Variants in BAG6 observed in about 807,000 individuals in gnomAD.
BAG6 encodes the protein large proline-rich protein BAG6.
Under a neutral mutation model 121.0 loss-of-function variants are expected in BAG6, and 22 were observed. The observed-to-expected ratio is 0.18, with a 90% CI of 0.13 to 0.26. The LOEUF (loss-of-function observed/expected upper bound fraction) is 0.26. BAG6 is among the 10% of genes least tolerant of loss of function. The pLI is 1.00. For missense variants in BAG6, 1,233 were observed against 1,537.7 expected (o/e 0.80, Z 3.31); for synonymous variants, 583 against 584.6 (o/e 1.00, Z 0.04).
chr6:31,651,768 G>A lies in BAG6; in HGVS notation c.-5C>T, dbSNP rs1320850682. ...GGTACTATCATTAGGCTCCATGGCC[G>A]ACAGGTCTCTAAAGAAGAACGAAGG... On this transcript the variant is annotated 5_prime_UTR_variant, in exon 2 of 26. Coordinates refer to ENST00000676615, the MANE Select transcript of BAG6 (RefSeq NM_001387994.1). 3 of 1,612,128 alleles carry A rather than the reference G, an allele frequency of 1.9e-6. No homozygotes were observed. Among genetic ancestry groups the A allele is most frequent in the Admixed American group, 1.7e-5 (1 of 59,990 alleles).
At position 31,644,137 on chromosome 6, in the gene BAG6, G is replaced by C. The variant is rs1429987132; in HGVS notation, c.1613C>G (p.Thr538Ser). ...ATGGGAAGGCCGAGCCTGTGGAGGA[G>C]TGGGCCGGGCAATCACCACCCGGGT... ...APTRVVIARP[T>S]PPQARPSHPG... Residue 538 changes from threonine to serine, a missense_variant, in exon 13 of 26, where the codon ACT becomes AGT. Thr to Ser is a moderately conservative substitution (Grantham distance 58). This residue lies in a region of BAG6 where 777 missense variants were observed against 861.4 expected (regional missense o/e 0.90). Coordinates refer to ENST00000676615, the MANE Select transcript of BAG6 (RefSeq NM_001387994.1). The surrounding 1 kb of genome is among the most constrained non-coding windows in gnomAD (Gnocchi z 4.9). 1.2e-6 allele frequency: 2 copies of C among 1,614,098 alleles called. No homozygotes were observed.
Position 31,648,771 on chromosome 6 carries a change from AT to A in BAG6, c.478-21del, listed in dbSNP as rs1402905105. On this transcript the variant is annotated intron_variant, in intron 5 of 25. Coordinates refer to ENST00000676615, the MANE Select transcript of BAG6 (RefSeq NM_001387994.1). ...CTCACTCTACAATGAGAGAAGGTTT[AT>A]CAGGGTAGGTTACAGATGAAGCCAT... is the stretch of plus-strand genomic sequence containing the variant. The A allele has an allele frequency of 1.9e-6, 3 of 1,613,760 alleles. No individual in the cohort carries two copies. The African/African-American group carries it at 4.0e-5, about 22-fold the overall frequency.
rs1786135643 is a variant in BAG6, at chr6:31,644,198, T to C, written c.1556-4A>G. The stretch of plus-strand genomic sequence containing the variant: ...GGGAAGCCTGGCACCTGCTGTCCTG[T>C]GGGTGGCAGAAGAGACAGACCGAAG... On this transcript the variant is annotated splice_region_variant and splice_polypyrimidine_tract_variant and intron_variant, in intron 12 of 25. Coordinates refer to ENST00000676615, the MANE Select transcript of BAG6 (RefSeq NM_001387994.1). The surrounding 1 kb of genome is among the most constrained non-coding windows in gnomAD (Gnocchi z 4.9). The C allele has an allele frequency of 1.2e-6, 2 of 1,612,134 alleles. No individual in the cohort carries two copies. Among genetic ancestry groups the C allele is most frequent in the Non-Finnish European group, 1.7e-6 (2 of 1,179,322 alleles).
chr6:31,650,000 C>T (rs905005540), intron 2 of BAG6, among the ~76,000 whole-genome samples: 2 of 151,992 alleles, frequency 1.3e-5, no homozygotes, highest in Non-Finnish European at 2.9e-5. Flanking sequence ...ACTAGGGAGG[C>T]TGAAGCAAGA....
intron 7 of BAG6, 37 bp downstream of exon 7, chr6:31,647,554 G>C: frequency 1.2e-6 from 2 of 1,605,770 alleles, no homozygotes; most frequent in South Asian, 2.2e-5. Flanking sequence ...CTTCACTTAG[G>C]ATTCCCCACC....
rs905063602 is a variant in BAG6 at position 31,649,376 on chromosome 6, G to A, written c.246C>T (p.Ile82=). The A allele has an allele frequency of 1.2e-6, 2 of 1,606,154 alleles. No homozygotes were observed. The highest frequency in any genetic ancestry group is 1.7e-5 in the Admixed American group (1 of 58,726). ...LQEYNVGGKV[I]HLVERAPPQT... is the part of the protein sequence containing the mutation. ...GAGGAGGAGCCCGTTCCACCAGGTGGATAACCTTTCCCCCAACATCTGCAG... is the reference window on the plus strand; with the variant it reads ...GAGGAGGAGCCCGTTCCACCAGGTGAATAACCTTTCCCCCAACATCTGCAG... The change falls in exon 4 of 26, where the codon ATC becomes ATT. Residue 82 remains isoleucine, a synonymous_variant. Transcript: ENST00000676615.
intron 16 of BAG6, 77 bp from the exon 17 acceptor site, chr6:31,642,022 T>A: frequency 6.3e-7 from 1 of 1,595,826 alleles, no homozygotes; most frequent in Non-Finnish European, 8.6e-7. Context: ...ATCAACCTCA[T>A]CCCACCTTGG....
Position 31,639,034 on chromosome 6 carries a change from G to A in BAG6, c.*97C>T, listed in dbSNP as rs1779289005. 2.0e-6 allele frequency: 2 copies of A among 978,262 alleles called. No individual in the cohort carries two copies. Among genetic ancestry groups the A allele is most frequent in the East Asian group, 2.6e-5 (1 of 38,228 alleles). The allele number at this position is 978,262 out of a possible 1,614,324, so 60.6% of individuals were successfully genotyped here. ...CTACCTAATGGAGACAATGTAGAGA[G>A]AAAGCAGCCAGAAAAATCCGACTTT... On this transcript the variant is annotated 3_prime_UTR_variant, in exon 26 of 26. Transcript: ENST00000676615.
chr6:31,639,655 CAG>C lies in BAG6; in HGVS notation c.3247-11_3247-10del, dbSNP rs546145122. 1.0e-3 allele frequency: 1,630 copies of C among 1,602,166 alleles called. 3 individuals carry two copies. Among genetic ancestry groups the C allele is most frequent in the Admixed American group, 4.5e-3 (262 of 58,410 alleles). The stretch of plus-strand genomic sequence containing the variant: ...CCCTCACCCTGCATCGTCTGGGGGA[CAG>C]GGGGTTGGGAGGGAAAAGAGGATCA... On this transcript the variant is annotated splice_polypyrimidine_tract_variant and intron_variant, in intron 24 of 25. Transcript: ENST00000676615.
chr6:31,644,649 G>T lies in BAG6; in HGVS notation c.1370-47C>A, dbSNP rs1786921161. The T allele has an allele frequency of 1.3e-6, 2 of 1,562,824 alleles. No individual in the cohort carries two copies. Among genetic ancestry groups the T allele is most frequent in the African/African-American group, 1.4e-5 (1 of 73,886 alleles). On this transcript the variant is annotated intron_variant, in intron 10 of 25. Coordinates refer to ENST00000676615, the MANE Select transcript of BAG6 (RefSeq NM_001387994.1). This position sits in a 1 kb window ranked among gnomAD's most constrained non-coding sequence, Gnocchi z 4.9. Reference sequence around the variant, plus strand: ...GTGGCCCTGAGGTAGGTAGGGCCAAGGCCTAACTATATCCTTCTGAGATCA... The same window carrying T: ...GTGGCCCTGAGGTAGGTAGGGCCAATGCCTAACTATATCCTTCTGAGATCA...
At chr6:31,646,551 C>T in intron 7 of BAG6, 28 bp from the exon 8 acceptor site, 2 of 1,607,432 alleles carry the variant, frequency 1.2e-6, no homozygotes, top group Non-Finnish European at 8.5e-7. Flanking sequence ...GGGCAATGAG[C>T]CAAAGCCTTC....
Position 31,641,686 on chromosome 6 carries a change from ATTGGAGCTT to A in BAG6, c.2505+81_2505+89del, listed in dbSNP as rs1782971411. The A allele has an allele frequency of 6.2e-7, 1 of 1,610,694 alleles. No individual in the cohort carries two copies. The highest frequency in any genetic ancestry group is 1.3e-5 in the African/African-American group (1 of 74,814). On this transcript the variant is annotated intron_variant, in intron 17 of 25. Transcript: ENST00000676615. The surrounding 1 kb of genome is among the most constrained non-coding windows in gnomAD (Gnocchi z 5.7). ...CAAGTCCAGGGCTTGTGTGGGGGCA[ATTGGAGCTT>A]TACCTGGCAGAGAAGCAGTCAGAAA...
chr6:31,642,436 G>C, intron 15 of BAG6, 33 bp from the exon 16 acceptor site: 1 of 969,746 alleles, frequency 1.0e-6, no homozygotes. Flanking sequence ...AGAACAGAAA[G>C]TGAGGTGAGA....
At chr6:31,642,495 G>A in intron 15 of BAG6, 92 bp from the exon 16 acceptor site, 1 of 668,726 alleles carries the variant, frequency 1.5e-6, no homozygotes, top group Non-Finnish European at 2.6e-6. Flanking sequence ...CAAACCAACG[G>A]GTCTGGGAAG....
chr6:31,648,632 G>A, intron 6 of BAG6, 45 bp downstream of exon 6: 1 of 1,592,308 alleles, frequency 6.3e-7, no homozygotes, highest in Non-Finnish European at 8.6e-7. Context: ...AGAGAAAAGG[G>A]AGAGGGAGGG....
Position 31,651,738 on chromosome 6 carries a change from G to C in BAG6, c.26C>G (p.Thr9Ser), listed in dbSNP as rs753565355. The part of the protein sequence containing the change: MEPNDSTS[T>S]AVEEPDSLEV... Reference sequence around the variant, plus strand: ...CAAGCTGTCAGGCTCCTCCACAGCGGTACTGGTACTATCATTAGGCTCCAT... The same window carrying C: ...CAAGCTGTCAGGCTCCTCCACAGCGCTACTGGTACTATCATTAGGCTCCAT... Residue 9 changes from threonine to serine, a missense_variant, in exon 2 of 26, where the codon ACC becomes AGC. Physicochemically the swap from Thr to Ser is moderately conservative, Grantham distance 58. Around this residue, in one of 7 missense-constraint regions of BAG6, gnomAD observed 25 missense variants for 16.5 expected, o/e 1.52. Coordinates refer to ENST00000676615, the MANE Select transcript of BAG6 (RefSeq NM_001387994.1). 6.2e-7 allele frequency: 1 copy of C among 1,613,024 alleles called. No individual in the cohort carries two copies. Among genetic ancestry groups the C allele is most frequent in the South Asian group, 1.1e-5 (1 of 91,086 alleles).
At chr6:31,646,364 G>A (rs1168576085) in intron 8 of BAG6, 30 bp downstream of exon 8, 5 of 1,606,912 alleles carry the variant, frequency 3.1e-6, no homozygotes, top group African/African-American at 1.3e-5. Flanking sequence ...TGGGGCTGAG[G>A]AGAAAGGGCA....
In BAG6 at chr6:31,644,276, A is replaced by G; in HGVS notation, c.1555+31T>C. 6.4e-7 allele frequency: 1 copy of G among 1,555,084 alleles called. No homozygotes were observed. The highest frequency in any genetic ancestry group is 8.7e-7 in the Non-Finnish European group (1 of 1,149,022). ...CAGCTGCCACCATGGACTGTGCCCT[A>G]CCTCCCAAGCCTCCCCTTCCAGGTC... On this transcript the variant is annotated intron_variant, in intron 12 of 25. Transcript: ENST00000676615. This position sits in a 1 kb window ranked among gnomAD's most constrained non-coding sequence, Gnocchi z 4.9.
rs151115239 is a variant in BAG6 at position 31,651,220 on chromosome 6, G to A, written c.108+436C>T. Reference sequence around the variant, plus strand: ...CAAAACATCAGAAAACGTTCTACTGGAATACGAACAAAGGGATCAATAAAA... The same window carrying A: ...CAAAACATCAGAAAACGTTCTACTGAAATACGAACAAAGGGATCAATAAAA... On this transcript the variant is annotated intron_variant, in intron 2 of 25. Transcript: ENST00000676615. Among the ~76,000 whole-genome samples, 1,276 of 152,304 alleles carry A rather than the reference G, an allele frequency of 8.4e-3. 26 individuals carry two copies. The highest frequency in any genetic ancestry group is 0.029 in the African/African-American group (1,198 of 41,558).
Sources: allele counts gnomAD v4.1 joint callset (sites outside exome capture counted in the v4.1 genomes callset), GRCh38; gene constraint gnomAD v4.1.1; regional missense constraint gnomAD v4.1.1; non-coding constraint Gnocchi (gnomAD v3.1); transcripts MANE v1.5; gene names NCBI Gene and HGNC (gene_info 2026-07-23, HGNC 2026-07-21).